The following TBC1D5 variants were observed in gnomAD, a reference collection of about 807,000 sequenced individuals.
TBC1D5 encodes TBC1 domain family member 5, also known as TBC1 domain family, member 5.
In TBC1D5, 75 loss-of-function variants were observed where a neutral mutation model predicts 100.3. The ratio of observed to expected loss-of-function variants is 0.75; its 90% CI spans 0.62 to 0.91. The LOEUF is 0.91. TBC1D5 is among the 40% of genes least tolerant of loss of function. TBC1D5 has a pLI of 0.00. For synonymous variants in TBC1D5, 323 were observed against 325.6 expected (o/e 0.99, Z 0.09); for missense variants, 910 against 942.4 (o/e 0.97, Z 0.45).
chr3:17,607,070 T>A (rs182803567), intron 2 of TBC1D5, among the ~76,000 whole-genome samples: 1 of 152,314 alleles, frequency 6.6e-6, no homozygotes, highest in East Asian at 1.9e-4. Flanking sequence ...TTTTCCAGAA[T>A]ATCTCCTTTG....
intron 2 of TBC1D5, among the ~76,000 whole-genome samples, chr3:17,596,913 G>A (rs1265735022): frequency 1.3e-5 from 2 of 151,992 alleles, no homozygotes; most frequent in Non-Finnish European, 1.5e-5. Flanking sequence ...CTGATGACCC[G>A]ACAGCTCCCA....
chr3:17,603,609 A>T (rs2061144394), intron 2 of TBC1D5, among the ~76,000 whole-genome samples: 1 of 152,084 alleles, frequency 6.6e-6, no homozygotes, highest in Non-Finnish European at 1.5e-5. Context: ...CAACCATAAA[A>T]ATAGCCAACC....
intron 13 of TBC1D5, among the ~76,000 whole-genome samples, chr3:17,324,222 G>C (rs1014438957): frequency 1.3e-5 from 2 of 152,096 alleles, no homozygotes; most frequent in Non-Finnish European, 2.9e-5. Flanking sequence ...CTTGAAAATA[G>C]GTAGAAGAAA....
intron 2 of TBC1D5, among the ~76,000 whole-genome samples, chr3:17,522,429 A>AG (rs1384524182): frequency 6.6e-6 from 1 of 152,162 alleles, no homozygotes; most frequent in Non-Finnish European, 1.5e-5. Context: ...GGTGAAAAAA[A>AG]GGATACAGGA....
At chr3:17,717,918 A>G (rs1339545653) in intron 1 of TBC1D5, among the ~76,000 whole-genome samples, 1 of 152,196 alleles carries the variant, frequency 6.6e-6, no homozygotes, top group Non-Finnish European at 1.5e-5. Flanking sequence ...CAGCCCATGA[A>G]GTATGTCACA....
chr3:17,362,444 T>C (rs2091805575), intron 13 of TBC1D5, among the ~76,000 whole-genome samples: 1 of 151,820 alleles, frequency 6.6e-6, no homozygotes, highest in East Asian at 1.9e-4. Context: ...AACCCCAATT[T>C]ATTCAAAAAG....
intron 1 of TBC1D5, among the ~76,000 whole-genome samples, chr3:17,629,605 C>T (rs1239054081): frequency 6.6e-6 from 1 of 152,120 alleles, no homozygotes; most frequent in Non-Finnish European, 1.5e-5. Flanking sequence ...CTACTAAACA[C>T]TGAGGAATGT....
At chr3:17,201,388 A>G (rs899889659) in intron 18 of TBC1D5, among the ~76,000 whole-genome samples, 1 of 152,196 alleles carries the variant, frequency 6.6e-6, no homozygotes. Flanking sequence ...CCGGGTGCTT[A>G]CTGCCAGCAA....
chr3:17,306,151 T>G (rs2083381076), intron 14 of TBC1D5, among the ~76,000 whole-genome samples: 1 of 152,224 alleles, frequency 6.6e-6, no homozygotes, highest in African/African-American at 2.4e-5. Flanking sequence ...CTGTCTTGTA[T>G]GCAGATCCTC....
At chr3:17,392,699 CT>C (rs1230260006) in intron 8 of TBC1D5, among the ~76,000 whole-genome samples, 2 of 152,034 alleles carry the variant, frequency 1.3e-5, no homozygotes, top group Non-Finnish European at 2.9e-5. Context: ...TGAACTCATC[CT>C]TTTTTATGGC....
At chr3:17,423,115 C>A (rs957996563) in intron 4 of TBC1D5, among the ~76,000 whole-genome samples, 1 of 152,006 alleles carries the variant, frequency 6.6e-6, no homozygotes, top group Non-Finnish European at 1.5e-5. Flanking sequence ...ACTTTGGAAG[C>A]TCTGATAAAT....
chr3:17,472,783 G>A (rs1320003133), intron 3 of TBC1D5, among the ~76,000 whole-genome samples: 1 of 152,086 alleles, frequency 6.6e-6, no homozygotes. Context: ...TAAACATCTG[G>A]GAGCACATAA....
In TBC1D5 at chr3:17,382,298, T is replaced by C. The variant is rs187088631; in HGVS notation, c.612+1615A>G. ...AAGTTAGTAAATGACAGAGGTGAGA[T>C]TCGAACAAAGGAATTTGTGTCTACA... is the stretch of plus-strand genomic sequence containing the variant. On this transcript the variant is annotated intron_variant, in intron 9 of 21. Transcript: ENST00000253692. Among the ~76,000 whole-genome samples the C allele has an allele frequency of 2.0e-3, 300 of 152,114 alleles. 3 individuals are homozygous for C. The highest frequency in any genetic ancestry group is 5.5e-3 in the Admixed American group (84 of 15,250).
At chr3:17,353,723 A>C (rs1266915720) in intron 13 of TBC1D5, among the ~76,000 whole-genome samples, 1 of 152,112 alleles carries the variant, frequency 6.6e-6, no homozygotes, top group Non-Finnish European at 1.5e-5. Context: ...ATAATTTCTA[A>C]TCAGTGGAGA....
intron 1 of TBC1D5, chr3:17,706,142 G>C (rs993148452): frequency 1.9e-5 from 31 of 1,595,542 alleles, no homozygotes; most frequent in Non-Finnish European, 2.6e-5. Context: ...TGAGGCAAAG[G>C]CTGCAGTTGA....
At chr3:17,162,802 G>A (rs904073198) in intron 21 of TBC1D5, among the ~76,000 whole-genome samples, 1 of 152,130 alleles carries the variant, frequency 6.6e-6, no homozygotes, top group African/African-American at 2.4e-5. Flanking sequence ...GCTGCCTTTG[G>A]GGAGTGCATT....
At chr3:17,202,484 T>C (rs530494501) in intron 18 of TBC1D5, among the ~76,000 whole-genome samples, 2 of 152,274 alleles carry the variant, frequency 1.3e-5, no homozygotes, top group South Asian at 2.1e-4. Flanking sequence ...CTGCAGAAAT[T>C]TGCAAAGTAA....
chr3:17,180,382 C>T (rs1255458114), intron 19 of TBC1D5, among the ~76,000 whole-genome samples: 1 of 152,136 alleles, frequency 6.6e-6, no homozygotes, highest in Non-Finnish European at 1.5e-5. Context: ...TAATTTTTAA[C>T]TGAAAGGATT....
intron 2 of TBC1D5, among the ~76,000 whole-genome samples, chr3:17,614,770 A>C (rs1356366641): frequency 6.6e-6 from 1 of 152,228 alleles, no homozygotes; most frequent in Non-Finnish European, 1.5e-5. Context: ...TTATCAGCTT[A>C]AGGAGATTTT....
Sources: allele counts gnomAD v4.1 joint callset (sites outside exome capture counted in the v4.1 genomes callset), GRCh38; gene constraint gnomAD v4.1.1; transcripts MANE v1.5; gene names NCBI Gene and HGNC (gene_info 2026-07-23, HGNC 2026-07-21).